The following SAMMSON variants were observed in gnomAD, a reference collection of about 807,000 sequenced individuals.
SAMMSON encodes the protein long intergenic non-protein coding RNA 1212.
At chr3:70,022,426 C>CAAA (rs60455629) in intron 3 of SAMMSON, among the ~76,000 whole-genome samples, 50 of 91,098 alleles carry the variant, frequency 5.5e-4, no homozygotes, top group African/African-American at 6.4e-4. Flanking sequence ...AGTATAATAA[C>CAAA]AAAAAAAAAA....
At chr3:70,388,275 T>A (rs1352866509) in intron 9 of SAMMSON, among the ~76,000 whole-genome samples, 1 of 152,152 alleles carries the variant, frequency 6.6e-6, no homozygotes, top group Admixed American at 6.6e-5. Flanking sequence ...TTGGTCTATG[T>A]ATTATCTATG....
At chr3:70,115,237 A>AAAAAAGCAG (rs953479207) in intron 4 of SAMMSON, among the ~76,000 whole-genome samples, 9 of 151,632 alleles carry the variant, frequency 5.9e-5, no homozygotes, top group Admixed American at 5.2e-4. Flanking sequence ...GAAAGAAAGA[A>AAAAAAGCAG]AAAAAGCAGA....
At chr3:70,031,118 T>C (rs1009380842) in intron 3 of SAMMSON, among the ~76,000 whole-genome samples, 2 of 152,106 alleles carry the variant, frequency 1.3e-5, no homozygotes, top group African/African-American at 2.4e-5. Flanking sequence ...TTATCCACAA[T>C]AGCCAAAAGG....
intron 7 of SAMMSON, among the ~76,000 whole-genome samples, chr3:70,344,024 C>T (rs1050697433): frequency 6.6e-6 from 1 of 151,990 alleles, no homozygotes; most frequent in African/African-American, 2.4e-5. Flanking sequence ...ACCTCCATTA[C>T]TGGGGGTGTT....
At chr3:70,425,105 AG>A (rs1701348236) in intron 2 of SAMMSON, 1 of 152,202 alleles carries the variant, frequency 6.6e-6, no homozygotes, top group Non-Finnish European at 1.5e-5. Context: ...TTGACTTAAC[AG>A]GGCACTATAC....
At chr3:70,080,504 A>G (rs1337024529) in intron 4 of SAMMSON, among the ~76,000 whole-genome samples, 1 of 152,148 alleles carries the variant, frequency 6.6e-6, no homozygotes, top group East Asian at 1.9e-4. Context: ...GATGAGACAG[A>G]TCACTCCTGT....
At chr3:70,266,825 A>G (rs1360141133) in intron 6 of SAMMSON, among the ~76,000 whole-genome samples, 1 of 152,256 alleles carries the variant, frequency 6.6e-6, no homozygotes, top group East Asian at 1.9e-4. Context: ...ATATCAGTCC[A>G]GAAGGTACAC....
chr3:70,360,839 A>T (rs1168398351), intron 9 of SAMMSON, among the ~76,000 whole-genome samples: 2 of 152,204 alleles, frequency 1.3e-5, no homozygotes, highest in African/African-American at 4.8e-5. Context: ...GAATATTAAA[A>T]TATTATTTAG....
At chr3:70,326,648 A>T (rs1030240877) in intron 7 of SAMMSON, among the ~76,000 whole-genome samples, 2 of 152,078 alleles carry the variant, frequency 1.3e-5, no homozygotes, top group African/African-American at 4.8e-5. Context: ...TTATCCTTCC[A>T]TGTAGGCTTC....
chr3:70,000,671 C>G (rs2066902453), intron 1 of SAMMSON, among the ~76,000 whole-genome samples: 1 of 152,140 alleles, frequency 6.6e-6, no homozygotes, highest in South Asian at 2.1e-4. Flanking sequence ...TGAAATTCCA[C>G]TTCATCCATA....
chr3:70,059,206 A>G (rs909962980), intron 3 of SAMMSON, among the ~76,000 whole-genome samples: 3 of 152,282 alleles, frequency 2.0e-5, no homozygotes, highest in African/African-American at 7.2e-5. Flanking sequence ...TTCAACCTAA[A>G]TCAATAGAAA....
chr3:70,073,989 C>G (rs1258164618), intron 4 of SAMMSON, among the ~76,000 whole-genome samples: 1 of 151,934 alleles, frequency 6.6e-6, no homozygotes, highest in African/African-American at 2.4e-5. Context: ...AGTGATCATG[C>G]TAAAATCGTT....
intron 1 of SAMMSON, among the ~76,000 whole-genome samples, chr3:70,011,143 A>G (rs1559771395): frequency 6.6e-6 from 1 of 152,170 alleles, no homozygotes; most frequent in African/African-American, 2.4e-5. Flanking sequence ...CTGTAGATAC[A>G]TAATAGTTTT....
intron 4 of SAMMSON, among the ~76,000 whole-genome samples, chr3:70,190,396 T>A (rs574410584): frequency 6.6e-6 from 1 of 152,278 alleles, no homozygotes; most frequent in Admixed American, 6.5e-5. Context: ...TCATGTAATC[T>A]CCTGCTATTC....
At chr3:70,017,407 T>C (rs2066990690) in intron 3 of SAMMSON, among the ~76,000 whole-genome samples, 1 of 152,090 alleles carries the variant, frequency 6.6e-6, no homozygotes, top group Non-Finnish European at 1.5e-5. Flanking sequence ...TGTATAAGAA[T>C]GCTTGTGATT....
At chr3:70,420,056 G>T (rs1042763384) in intron 2 of SAMMSON, among the ~76,000 whole-genome samples, 12 of 152,204 alleles carry the variant, frequency 7.9e-5, no homozygotes, top group African/African-American at 1.7e-4. Flanking sequence ...CTGAAGAGAG[G>T]CATGGACTGT....
At chr3:70,349,631 C>G (rs1005376101) in intron 7 of SAMMSON, among the ~76,000 whole-genome samples, 3 of 152,130 alleles carry the variant, frequency 2.0e-5, no homozygotes, top group African/African-American at 7.2e-5. Flanking sequence ...GCTTGAAAGA[C>G]AGTTTGGATT....
At chr3:70,078,428 T>C (rs1190027868) in intron 4 of SAMMSON, among the ~76,000 whole-genome samples, 1 of 152,036 alleles carries the variant, frequency 6.6e-6, no homozygotes, top group African/African-American at 2.4e-5. Flanking sequence ...GGAGTGGCAA[T>C]GTGGTGGCCC....
At chr3:70,147,140 A>T (rs1485290928) in intron 4 of SAMMSON, among the ~76,000 whole-genome samples, 2 of 152,170 alleles carry the variant, frequency 1.3e-5, no homozygotes, top group African/African-American at 4.8e-5. Context: ...GCTGAAAATT[A>T]TAAAACACTG....
Sources: allele counts gnomAD v4.1 joint callset (sites outside exome capture counted in the v4.1 genomes callset), GRCh38; gene constraint gnomAD v4.1.1; transcripts MANE v1.5; gene names NCBI Gene and HGNC (gene_info 2026-07-23, HGNC 2026-07-21).